TMEM108: variants seen among roughly 807,000 people sequenced by gnomAD.
TMEM108 encodes the protein transmembrane protein 108.
Under a neutral mutation model 35.1 loss-of-function variants are expected in TMEM108, and 12 were observed. The ratio of observed to expected loss-of-function variants is 0.34; its 90% CI spans 0.22 to 0.55. The LOEUF is 0.55. TMEM108 is among the 20% of genes least tolerant of loss of function. The probability of loss-of-function intolerance (pLI) is 0.89; values close to 1 mark genes in which losing one functional copy is unlikely to be tolerated. For synonymous variants in TMEM108, 287 were observed against 308.6 expected, an observed-to-expected ratio of 0.93 and a Z score of 0.73; for missense variants, 680 against 753.3, an observed-to-expected ratio of 0.90 and a Z score of 1.14.
At chr3:133,042,457 C>G (rs893734979) in intron 1 of TMEM108, among the ~76,000 whole-genome samples, 1 of 152,164 alleles carries the variant, frequency 6.6e-6, no homozygotes, top group Non-Finnish European at 1.5e-5. Flanking sequence ...CTGAACCTTA[C>G]TTTTATCACC....
At chr3:133,085,533 T>C (rs1291437561) in intron 2 of TMEM108, among the ~76,000 whole-genome samples, 2 of 152,200 alleles carry the variant, frequency 1.3e-5, no homozygotes, top group African/African-American at 4.8e-5. Context: ...TGCACGTTAC[T>C]GTGTACTCAG....
intron 3 of TMEM108, among the ~76,000 whole-genome samples, chr3:133,309,261 T>C (rs952867164): frequency 6.6e-6 from 1 of 152,196 alleles, no homozygotes; most frequent in African/African-American, 2.4e-5. Flanking sequence ...TTTTCTTCTT[T>C]ATTAGTCCTG....
chr3:133,181,439 T>C (rs1390747609), intron 2 of TMEM108, among the ~76,000 whole-genome samples: 5 of 152,198 alleles, frequency 3.3e-5, no homozygotes, highest in Non-Finnish European at 7.4e-5. Context: ...TTAATTTCCC[T>C]CTAGTTGACA....
chr3:133,349,035 A>G (rs192943778), intron 3 of TMEM108, among the ~76,000 whole-genome samples: 2 of 152,252 alleles, frequency 1.3e-5, no homozygotes, highest in African/African-American at 4.8e-5. Flanking sequence ...AAATACTCAC[A>G]ATAGATTTTT....
At chr3:133,349,069 A>C (rs1323713343) in intron 3 of TMEM108, among the ~76,000 whole-genome samples, 1 of 152,180 alleles carries the variant, frequency 6.6e-6, no homozygotes, top group East Asian at 1.9e-4. Context: ...ACAGGAAAAA[A>C]GCAGACAGTG....
intron 4 of TMEM108, among the ~76,000 whole-genome samples, chr3:133,382,563 G>A (rs1422821044): frequency 6.6e-6 from 1 of 152,236 alleles, no homozygotes; most frequent in Non-Finnish European, 1.5e-5. Flanking sequence ...GGGAGCCGAT[G>A]GTGGACTCTT....
intron 2 of TMEM108, among the ~76,000 whole-genome samples, chr3:133,078,593 G>T (rs1214738019): frequency 3.9e-5 from 6 of 152,132 alleles, no homozygotes; most frequent in Admixed American, 3.9e-4. Flanking sequence ...TTTAATTATT[G>T]ATAGCAACTC....
intron 3 of TMEM108, among the ~76,000 whole-genome samples, chr3:133,267,493 G>A (rs544943467): frequency 3.3e-5 from 5 of 152,348 alleles, no homozygotes; most frequent in African/African-American, 1.2e-4. Flanking sequence ...CCAGCACTAT[G>A]TGGGAAACTA....
intron 2 of TMEM108, among the ~76,000 whole-genome samples, chr3:133,109,838 C>T (rs957136044): frequency 1.3e-5 from 2 of 152,106 alleles, no homozygotes; most frequent in Non-Finnish European, 2.9e-5. Flanking sequence ...ATATTCTTAA[C>T]GTTATGCAGG....
chr3:133,050,342 T>A (rs528929831), intron 2 of TMEM108, among the ~76,000 whole-genome samples: 1 of 152,254 alleles, frequency 6.6e-6, no homozygotes, highest in East Asian at 1.9e-4. Flanking sequence ...TATTCACTCA[T>A]TTGTTTATTT....
At position 133,396,022 on chromosome 3, in the gene TMEM108, C is replaced by T. The variant is rs774166906; in HGVS notation, c.*36C>T. The T allele has an allele frequency of 1.2e-4, 184 of 1,475,252 alleles. No individual in the cohort carries two copies. The highest frequency in any genetic ancestry group is 1.6e-4 in the Non-Finnish European group (174 of 1,109,580). The allele number at this position is 1,475,252 out of a possible 1,614,324, so 91.4% of individuals were successfully genotyped here. On this transcript the variant is annotated 3_prime_UTR_variant, in exon 6 of 6. Transcript: ENST00000321871. ...CATCACTTTGCCATTCCGTATTTTT[C>T]GTCTCTAAATTATAAATATACAAAT...
At chr3:133,209,106 C>T (rs571347467) in intron 2 of TMEM108, among the ~76,000 whole-genome samples, 64 of 152,236 alleles carry the variant, frequency 4.2e-4, no homozygotes, top group Non-Finnish European at 7.9e-4. Flanking sequence ...TGCAGTGGCA[C>T]AATCATAGCT....
chr3:133,217,993 C>G (rs980084508), intron 2 of TMEM108, among the ~76,000 whole-genome samples: 4 of 151,914 alleles, frequency 2.6e-5, no homozygotes, highest in Admixed American at 2.6e-4. Flanking sequence ...TGCATTGAAT[C>G]TGTATATTTC....
At chr3:133,116,458 T>G (rs1680438843) in intron 2 of TMEM108, among the ~76,000 whole-genome samples, 1 of 152,230 alleles carries the variant, frequency 6.6e-6, no homozygotes, top group African/African-American at 2.4e-5. Flanking sequence ...ATATTCATTT[T>G]TCATGAACTT....
chr3:133,199,669 C>G (rs199678890), intron 2 of TMEM108, among the ~76,000 whole-genome samples: 3 of 152,196 alleles, frequency 2.0e-5, no homozygotes, highest in Non-Finnish European at 4.4e-5. Flanking sequence ...GAGGGGCACC[C>G]AGCCGTATGA....
At chr3:133,309,771 G>A (rs1304043619) in intron 3 of TMEM108, among the ~76,000 whole-genome samples, 1 of 129,820 alleles carries the variant, frequency 7.7e-6, no homozygotes, top group African/African-American at 2.9e-5. Flanking sequence ...CGGGATCTCG[G>A]CTCACTGCAA....
chr3:133,121,900 T>C (rs1246413272), intron 2 of TMEM108, among the ~76,000 whole-genome samples: 1 of 152,168 alleles, frequency 6.6e-6, no homozygotes, highest in African/African-American at 2.4e-5. Flanking sequence ...CTTCTAACCT[T>C]TGTAAGCTGA....
chr3:133,346,598 T>C lies in TMEM108; in HGVS notation c.41-33154T>C, dbSNP rs1464084875. ...TATGCAATTATTTTCTTCCAGTCGA[T>C]GGCTTGTCTTTTATTCTTTGAATTT... On this transcript the variant is annotated intron_variant, in intron 3 of 5. Transcript: ENST00000321871. The surrounding 1 kb of genome is among the most constrained non-coding windows in gnomAD (Gnocchi z 4.0). 2.0e-5 allele frequency among the ~76,000 whole-genome samples: 3 copies of C among 152,084 alleles called. No homozygotes were observed. The highest frequency in any genetic ancestry group is 4.4e-5 in the Non-Finnish European group (3 of 67,952).
At chr3:133,257,793 G>C (rs577235775) in intron 3 of TMEM108, among the ~76,000 whole-genome samples, 1 of 152,324 alleles carries the variant, frequency 6.6e-6, no homozygotes, top group Admixed American at 6.5e-5. Context: ...CCAGTTGTCT[G>C]TTGAGAAAGA....
Sources: allele counts gnomAD v4.1 joint callset (sites outside exome capture counted in the v4.1 genomes callset), GRCh38; gene constraint gnomAD v4.1.1; non-coding constraint Gnocchi (gnomAD v3.1); transcripts MANE v1.5; gene names NCBI Gene and HGNC (gene_info 2026-07-23, HGNC 2026-07-21).